The following SLC4A1AP variants were observed in gnomAD, a reference collection of about 807,000 sequenced individuals.
SLC4A1AP encodes kanadaptin.
A neutral mutation model predicts 89.7 loss-of-function variants in SLC4A1AP; 64 were observed. The ratio of observed to expected loss-of-function variants is 0.71; its 90% CI spans 0.58 to 0.88. The LOEUF is 0.88. Among genes scored for constraint, SLC4A1AP ranks in the 40% least tolerant of loss-of-function variants. SLC4A1AP has a pLI of 0.00. For synonymous variants in SLC4A1AP, 366 were observed against 353.3 expected (o/e 1.04, Z -0.40); for missense variants, 931 against 965.0 (o/e 0.96, Z 0.47).
chr2:27,666,352 A>ACC (rs1215773185), intron 2 of SLC4A1AP, among the ~76,000 whole-genome samples: 10 of 3,422 alleles, frequency 2.9e-3, no homozygotes, highest in Admixed American at 5.4e-3. Flanking sequence ...CTTGTGATCC[A>ACC]CCCCCCACCC....
exon 1 of SLC4A1AP, chr2:27,664,040 C>A: frequency 2.5e-6 from 4 of 1,614,230 alleles, no homozygotes; most frequent in Non-Finnish European, 3.4e-6. Context: ...GTTCTTCAAA[C>A]CCTGAGGAGG....
At chr2:27,668,146 A>G (rs1263063512) in intron 3 of SLC4A1AP, among the ~76,000 whole-genome samples, 10 of 150,844 alleles carry the variant, frequency 6.6e-5, no homozygotes, top group African/African-American at 2.2e-4. Context: ...TGGTATGGGA[A>G]CTTGTTCTTT....
chr2:27,691,931 A>T (rs1675794345), intron 12 of SLC4A1AP: 1 of 151,898 alleles, frequency 6.6e-6, no homozygotes, highest in Admixed American at 6.6e-5. Context: ...TTGAGGTGTG[A>T]CATTAGGTTG....
intron 10 of SLC4A1AP, among the ~76,000 whole-genome samples, chr2:27,687,611 G>A (rs1217852156): frequency 1.3e-5 from 2 of 152,038 alleles, no homozygotes; most frequent in East Asian, 3.9e-4. Flanking sequence ...ATAAATTTTG[G>A]TGGTCATCTC....
At chr2:27,685,312 T>C (rs374980433) in intron 10 of SLC4A1AP, 35 bp downstream of exon 10, 10 of 1,572,630 alleles carry the variant, frequency 6.4e-6, no homozygotes, top group Non-Finnish European at 8.6e-6. Context: ...TGTTGTTCAG[T>C]GGGCAGTTAC....
At chr2:27,682,519 GGATT>G (rs1675635706) in intron 9 of SLC4A1AP, among the ~76,000 whole-genome samples, 160 bp downstream of exon 9, 2 of 136,606 alleles carry the variant, frequency 1.5e-5, no homozygotes, top group South Asian at 5.0e-4. Context: ...CTTGGTTCTT[GGATT>G]CTTTTTTTTT....
At chr2:27,690,022 G>A (rs772926952) in intron 12 of SLC4A1AP, among the ~76,000 whole-genome samples, 1 of 152,136 alleles carries the variant, frequency 6.6e-6, no homozygotes, top group Non-Finnish European at 1.5e-5. Context: ...TGGAAAAAAG[G>A]TTCAGAGAGA....
intron 3 of SLC4A1AP, among the ~76,000 whole-genome samples, 181 bp downstream of exon 3, chr2:27,667,571 T>C (rs745509858): frequency 1.3e-5 from 2 of 152,174 alleles, no homozygotes; most frequent in African/African-American, 4.8e-5. Flanking sequence ...CTCATTAGTA[T>C]GGCAGAGGGG....
At chr2:27,669,470 G>GA in intron 5 of SLC4A1AP, 83 bp downstream of exon 5, 1 of 1,309,738 alleles carries the variant, frequency 7.6e-7, no homozygotes, top group Non-Finnish European at 1.0e-6. Context: ...TTTATGGGGG[G>GA]AAAATGTAAA....
intron 5 of SLC4A1AP, among the ~76,000 whole-genome samples, chr2:27,674,856 C>G (rs1675491680): frequency 2.0e-5 from 3 of 151,624 alleles, no homozygotes; most frequent in Middle Eastern, 6.8e-3. Context: ...GGATTACAGG[C>G]ACCCGCCACT....
intron 12 of SLC4A1AP, among the ~76,000 whole-genome samples, chr2:27,689,391 G>A (rs111838153): frequency 2.6e-5 from 4 of 152,106 alleles, no homozygotes; most frequent in Non-Finnish European, 4.4e-5. Context: ...AGGTCTCAGC[G>A]TATGATTGTA....
intron 6 of SLC4A1AP, among the ~76,000 whole-genome samples, 154 bp from the exon 7 acceptor site, chr2:27,677,141 A>T (rs1022837490): frequency 6.6e-6 from 1 of 152,138 alleles, no homozygotes; most frequent in Non-Finnish European, 1.5e-5. Flanking sequence ...CTATCTCAAA[A>T]CAAAAAAAAA....
chr2:27,685,762 A>C (rs758167461), intron 10 of SLC4A1AP, among the ~76,000 whole-genome samples: 6 of 152,214 alleles, frequency 3.9e-5, no homozygotes, highest in Non-Finnish European at 8.8e-5. Flanking sequence ...ACCTAGCACA[A>C]AACCTGACAC....
At chr2:27,670,189 G>A (rs959696394) in intron 5 of SLC4A1AP, among the ~76,000 whole-genome samples, 1 of 151,436 alleles carries the variant, frequency 6.6e-6, no homozygotes, top group Non-Finnish European at 1.5e-5. Flanking sequence ...ATAGAGACGA[G>A]GTTTCACCGT....
At chr2:27,680,454 A>C (rs945962561) in intron 8 of SLC4A1AP, among the ~76,000 whole-genome samples, 6 of 152,198 alleles carry the variant, frequency 3.9e-5, no homozygotes, top group Non-Finnish European at 7.3e-5. Context: ...TGGAAAAAGT[A>C]AGAATCATAT....
chr2:27,677,636 C>G, intron 7 of SLC4A1AP, 102 bp from the exon 8 acceptor site: 1 of 946,098 alleles, frequency 1.1e-6, no homozygotes, highest in Non-Finnish European at 1.6e-6. Flanking sequence ...GTGATGTCCT[C>G]TGTCCGGTTT....
exon 7 of SLC4A1AP, chr2:27,677,307 A>G (rs760610380): frequency 6.2e-7 from 1 of 1,613,180 alleles, no homozygotes; most frequent in Non-Finnish European, 8.5e-7. Context: ...TGCAAAATTA[A>G]ATGATGCTGA....
intron 5 of SLC4A1AP, among the ~76,000 whole-genome samples, chr2:27,669,719 C>T (rs1675390284): frequency 6.6e-6 from 1 of 152,064 alleles, no homozygotes; most frequent in South Asian, 2.1e-4. Flanking sequence ...GAGATGGAGT[C>T]TCACTCTGTC....
intron 4 of SLC4A1AP, 48 bp downstream of exon 4, chr2:27,668,951 C>G (rs754745743): frequency 1.3e-6 from 2 of 1,538,594 alleles, no homozygotes; most frequent in Admixed American, 1.7e-5. Context: ...TGGCCAATTT[C>G]AGGTTTAATG....
Sources: gnomAD v4.1 joint callset for allele counts (sites outside exome capture counted in the v4.1 genomes callset) on GRCh38, gnomAD v4.1.1 for gene constraint, MANE v1.5 for transcripts, NCBI Gene and HGNC (gene_info 2026-07-23, HGNC 2026-07-21) for gene names.